Variants in CARMIL1 observed in about 807,000 individuals in gnomAD.
CARMIL1 encodes F-actin-uncapping protein LRRC16A.
Under a neutral mutation model 177.1 loss-of-function variants are expected in CARMIL1, and 90 were observed. The observed-to-expected ratio is 0.51, with a 90% CI of 0.43 to 0.61. The LOEUF is 0.61. Ranked by LOEUF, CARMIL1 falls within the 20% of genes least tolerant of loss-of-function variation. The pLI is 0.00. For missense variants in CARMIL1, 1,380 were observed against 1,667.0 expected, an observed-to-expected ratio of 0.83 and a Z score of 3.00; for synonymous variants, 577 against 606.2, an observed-to-expected ratio of 0.95 and a Z score of 0.71.
At chr6:25,585,755 G>T (rs561929344) in intron 31 of CARMIL1, among the ~76,000 whole-genome samples, 1 of 152,128 alleles carries the variant, frequency 6.6e-6, no homozygotes, top group South Asian at 2.1e-4. Context: ...TGACTCTTAA[G>T]GAGCATGCTG....
At chr6:25,457,075 C>T (rs1000777042) in intron 8 of CARMIL1, among the ~76,000 whole-genome samples, 1 of 151,036 alleles carries the variant, frequency 6.6e-6, no homozygotes, top group Non-Finnish European at 1.5e-5. Flanking sequence ...CTTCTGTTTT[C>T]ATTCCTGAAT....
intron 29 of CARMIL1, among the ~76,000 whole-genome samples, chr6:25,564,741 C>G (rs924314264): frequency 6.6e-6 from 1 of 151,994 alleles, no homozygotes; most frequent in Non-Finnish European, 1.5e-5. Context: ...AGCTGTAATT[C>G]TGGCTTCATT....
At chr6:25,587,322 T>C (rs1219751948) in intron 31 of CARMIL1, among the ~76,000 whole-genome samples, 2 of 152,148 alleles carry the variant, frequency 1.3e-5, no homozygotes, top group Non-Finnish European at 2.9e-5. Context: ...CCATAGAATT[T>C]AACCTTCTAC....
intron 2 of CARMIL1, among the ~76,000 whole-genome samples, chr6:25,401,671 C>T (rs1168055538): frequency 2.0e-5 from 3 of 152,282 alleles, no homozygotes; most frequent in South Asian, 2.1e-4. Flanking sequence ...GAAGCTCATT[C>T]GCCAGCTGTC....
At chr6:25,491,586 A>T (rs1393010221) in intron 13 of CARMIL1, 146 bp from the exon 14 acceptor site, 4 of 529,188 alleles carry the variant, frequency 7.6e-6, no homozygotes, top group Non-Finnish European at 1.3e-5. Context: ...AACCTAAAGG[A>T]ATGACAGAAA....
intron 16 of CARMIL1, among the ~76,000 whole-genome samples, chr6:25,495,563 G>A (rs1397861807): frequency 2.0e-5 from 3 of 151,878 alleles, no homozygotes; most frequent in Middle Eastern, 3.4e-3. Flanking sequence ...GTGTGTGTGT[G>A]TGTGTGTGTG....
At chr6:25,340,777 G>GTTTTTTTTTTTTTTTTTTTTTTTT in intron 2 of CARMIL1, among the ~76,000 whole-genome samples, 1 of 86,136 alleles carries the variant, frequency 1.2e-5, no homozygotes, top group Non-Finnish European at 2.3e-5. Flanking sequence ...GTCAATGAAG[G>GTTTTTTTTTTTTTTTTTTTTTTTT]TTTTTTTTTT....
chr6:25,545,622 G>A (rs562091301), intron 26 of CARMIL1, among the ~76,000 whole-genome samples: 1 of 152,162 alleles, frequency 6.6e-6, no homozygotes, highest in East Asian at 1.9e-4. Flanking sequence ...AAAGGAGAAT[G>A]TGAAATTTTT....
At chr6:25,488,024 T>C (rs774919048) in intron 12 of CARMIL1, among the ~76,000 whole-genome samples, 82 of 152,364 alleles carry the variant, frequency 5.4e-4, no homozygotes, top group South Asian at 8.3e-4. Flanking sequence ...GTAATACATT[T>C]AAGAAGAGCT....
chr6:25,279,640 C>A lies in CARMIL1; in HGVS notation c.-156C>A. On this transcript the variant is annotated 5_prime_UTR_variant, in exon 1 of 37. Coordinates refer to ENST00000329474, the MANE Select transcript of CARMIL1 (RefSeq NM_017640.6). ...TTTTTTTTTTTGGTGGGGCGGGGGGCGCGCGGCAAAATTCTGTCTCCGCCC... is the reference window on the plus strand; with the variant it reads ...TTTTTTTTTTTGGTGGGGCGGGGGGAGCGCGGCAAAATTCTGTCTCCGCCC... The A allele has an allele frequency of 1.6e-6, 1 of 623,026 alleles. No individual in the cohort carries two copies. Among genetic ancestry groups the A allele is most frequent in the Non-Finnish European group, 2.9e-6 (1 of 349,838 alleles). 38.6% of individuals were successfully genotyped at this position (623,026 alleles called of 1,614,324 possible).
At chr6:25,571,400 T>C (rs1812052147) in intron 29 of CARMIL1, among the ~76,000 whole-genome samples, 1 of 152,182 alleles carries the variant, frequency 6.6e-6, no homozygotes, top group African/African-American at 2.4e-5. Context: ...GGAAATGTTC[T>C]CTTTTCAGAG....
intron 17 of CARMIL1, 22 bp downstream of exon 17, chr6:25,500,257 A>T: frequency 6.2e-7 from 1 of 1,602,130 alleles, no homozygotes; most frequent in East Asian, 2.2e-5. Context: ...CTTAGATTGT[A>T]TACTGGAATA....
intron 2 of CARMIL1, among the ~76,000 whole-genome samples, chr6:25,299,424 G>A (rs1001351625): frequency 1.3e-4 from 20 of 148,852 alleles, no homozygotes; most frequent in Middle Eastern, 3.6e-3. Flanking sequence ...TGCCCGCCTC[G>A]GCCTCCCAAA....
intron 4 of CARMIL1, among the ~76,000 whole-genome samples, chr6:25,434,569 G>T (rs1357799892): frequency 2.8e-5 from 4 of 143,176 alleles, no homozygotes; most frequent in African/African-American, 1.1e-4. Context: ...CTGTCATCAG[G>T]CTGGAGTGCA....
At chr6:25,475,365 C>G (rs1184167290) in intron 11 of CARMIL1, among the ~76,000 whole-genome samples, 2 of 148,832 alleles carry the variant, frequency 1.3e-5, no homozygotes, top group African/African-American at 5.0e-5. Flanking sequence ...CGAGCCACTG[C>G]ATTCTAGCCT....
intron 2 of CARMIL1, among the ~76,000 whole-genome samples, chr6:25,337,986 C>G (rs777597224): frequency 6.6e-6 from 1 of 152,150 alleles, no homozygotes; most frequent in Non-Finnish European, 1.5e-5. Context: ...TAGGTTTTCC[C>G]TATCTTCCCC....
chr6:25,430,788 A>G (rs1316533026), intron 4 of CARMIL1, among the ~76,000 whole-genome samples: 1 of 152,182 alleles, frequency 6.6e-6, no homozygotes, highest in Non-Finnish European at 1.5e-5. Flanking sequence ...AGATCCATTT[A>G]TATTTCTTTT....
At chr6:25,441,254 C>T (rs970189009) in intron 5 of CARMIL1, among the ~76,000 whole-genome samples, 1 of 151,040 alleles carries the variant, frequency 6.6e-6, no homozygotes, top group Admixed American at 6.6e-5. Flanking sequence ...GAGCTATGCT[C>T]ACACCACTAC....
rs1392159387 is a variant in CARMIL1 at position 25,311,684 on chromosome 6, C to A, written c.138+26775C>A. Among the ~76,000 whole-genome samples, 4 of 151,756 alleles carry A rather than the reference C, an allele frequency of 2.6e-5. No homozygotes were observed. The South Asian group carries it at 8.4e-4, about 32-fold the overall frequency. ...AAGCTGTAAATCATTAGCCATCCAT[C>A]CCCCCAACCTGCAAAGGTACACACC... is the stretch of plus-strand genomic sequence containing the variant. On this transcript the variant is annotated intron_variant, in intron 2 of 36. Transcript: ENST00000329474.
Sources: allele counts gnomAD v4.1 joint callset (sites outside exome capture counted in the v4.1 genomes callset), GRCh38; gene constraint gnomAD v4.1.1; transcripts MANE v1.5; gene names NCBI Gene and HGNC (gene_info 2026-07-23, HGNC 2026-07-21).